SGCZ: variants seen among roughly 807,000 people sequenced by gnomAD.
SGCZ encodes sarcoglycan zeta.
Under a neutral mutation model 41.3 loss-of-function variants are expected in SGCZ, and 40 were observed. The ratio of observed to expected loss-of-function variants is 0.97; its 90% CI spans 0.75 to 1.26. The LOEUF (loss-of-function observed/expected upper bound fraction) is 1.26, where lower values mean the gene tolerates loss of function less well. Ranked by LOEUF, SGCZ falls within the 50% of genes most tolerant of loss-of-function variation. SGCZ has a pLI of 0.00. For missense variants in SGCZ, 552 were observed against 369.8 expected (o/e 1.49, Z -4.04); for synonymous variants, 206 against 137.5 (o/e 1.50, Z -3.49).
intron 1 of SGCZ, among the ~76,000 whole-genome samples, chr8:15,194,147 G>T (rs565006070): frequency 2.0e-5 from 3 of 150,924 alleles, no homozygotes; most frequent in South Asian, 2.1e-4. Flanking sequence ...TATCCAATGG[G>T]CTACTCACCT....
chr8:14,114,433 C>CA (rs990883002), intron 5 of SGCZ, among the ~76,000 whole-genome samples: 1 of 151,518 alleles, frequency 6.6e-6, no homozygotes, highest in Non-Finnish European at 1.5e-5. Context: ...GGGAGGAAAG[C>CA]AAAAAAGAAC....
intron 2 of SGCZ, among the ~76,000 whole-genome samples, chr8:14,454,536 G>C (rs1455306877): frequency 6.6e-6 from 1 of 151,962 alleles, no homozygotes; most frequent in African/African-American, 2.4e-5. Flanking sequence ...ATATTAGGGA[G>C]TTAAAAAAAG....
chr8:15,047,288 C>T (rs1253197169), intron 1 of SGCZ, among the ~76,000 whole-genome samples: 1 of 152,046 alleles, frequency 6.6e-6, no homozygotes, highest in Non-Finnish European at 1.5e-5. Flanking sequence ...TCATGTAATT[C>T]ACACTTCTAT....
At chr8:15,191,052 A>T (rs1453320919) in intron 1 of SGCZ, among the ~76,000 whole-genome samples, 1 of 152,072 alleles carries the variant, frequency 6.6e-6, no homozygotes, top group African/African-American at 2.4e-5. Context: ...AGTGTCAAAA[A>T]ATAAAAACTC....
At chr8:15,012,264 A>T (rs1247262856) in intron 1 of SGCZ, among the ~76,000 whole-genome samples, 2 of 151,752 alleles carry the variant, frequency 1.3e-5, no homozygotes, top group African/African-American at 4.8e-5. Flanking sequence ...AGAATTTGAG[A>T]TCAGACTGGG....
intron 1 of SGCZ, among the ~76,000 whole-genome samples, chr8:15,119,643 A>G (rs2116947520): frequency 6.6e-6 from 1 of 152,054 alleles, no homozygotes; most frequent in East Asian, 1.9e-4. Context: ...TCCCACCCCA[A>G]CTAGCTCTGT....
At chr8:15,031,768 G>A (rs1307392813) in intron 1 of SGCZ, among the ~76,000 whole-genome samples, 1 of 152,098 alleles carries the variant, frequency 6.6e-6, no homozygotes, top group Non-Finnish European at 1.5e-5. Flanking sequence ...ATATTTAAAT[G>A]CTAGTCAAAT....
rs73529283 is a variant in SGCZ, at chr8:14,731,780, T to C, written c.40-176854A>G. Among the ~76,000 whole-genome samples the C allele has an allele frequency of 3.7e-3, 567 of 152,252 alleles. 6 individuals carry two copies. The highest frequency in any genetic ancestry group is 0.013 in the African/African-American group (536 of 41,540). On this transcript the variant is annotated intron_variant, in intron 1 of 7. Coordinates refer to ENST00000382080, the MANE Select transcript of SGCZ (RefSeq NM_139167.4). ...ATTAAATTCTACTTCCCACCAAATC[T>C]CTAAGACCATTTCTTTTTCTAAAAT...
intron 1 of SGCZ, among the ~76,000 whole-genome samples, chr8:14,852,226 A>G (rs1284128136): frequency 1.3e-5 from 2 of 152,196 alleles, no homozygotes; most frequent in Non-Finnish European, 2.9e-5. Flanking sequence ...AATTTCTGTA[A>G]ATATTTGGAG....
chr8:14,868,194 G>T (rs1275473195), intron 1 of SGCZ, among the ~76,000 whole-genome samples: 1 of 152,114 alleles, frequency 6.6e-6, no homozygotes, highest in Non-Finnish European at 1.5e-5. Context: ...TGAAAGGTCA[G>T]TCACGAGGAT....
intron 1 of SGCZ, among the ~76,000 whole-genome samples, chr8:14,926,074 T>C (rs926221355): frequency 6.6e-6 from 1 of 152,110 alleles, no homozygotes; most frequent in Non-Finnish European, 1.5e-5. Context: ...AAAAGATAAA[T>C]CAGGATTAAT....
chr8:14,639,057 C>CT (rs1298170507), intron 1 of SGCZ, among the ~76,000 whole-genome samples: 1 of 84,124 alleles, frequency 1.2e-5, no homozygotes, highest in Admixed American at 1.2e-4. Context: ...TTTTTTTTGT[C>CT]TTTTTTTGAG....
intron 2 of SGCZ, among the ~76,000 whole-genome samples, chr8:14,418,943 G>A (rs752677150): frequency 1.3e-5 from 2 of 151,846 alleles, no homozygotes; most frequent in Non-Finnish European, 2.9e-5. Flanking sequence ...TGTAGGTTTC[G>A]AATAGTCACC....
At chr8:14,763,867 G>C (rs1298789706) in intron 1 of SGCZ, among the ~76,000 whole-genome samples, 1 of 152,186 alleles carries the variant, frequency 6.6e-6, no homozygotes, top group Non-Finnish European at 1.5e-5. Context: ...GGAACTATGA[G>C]TTTCTCTATG....
chr8:14,172,637 G>T (rs1368899659), intron 4 of SGCZ, among the ~76,000 whole-genome samples: 3 of 152,124 alleles, frequency 2.0e-5, no homozygotes, highest in Non-Finnish European at 2.9e-5. Flanking sequence ...CTGAGGCAAA[G>T]AAATACAACG....
chr8:14,340,993 T>C (rs1478442438), intron 2 of SGCZ, among the ~76,000 whole-genome samples: 1 of 152,152 alleles, frequency 6.6e-6, no homozygotes, highest in South Asian at 2.1e-4. Flanking sequence ...TCTATTTCTC[T>C]GAACTGCTCG....
At chr8:14,794,854 C>T (rs1232909304) in intron 1 of SGCZ, among the ~76,000 whole-genome samples, 2 of 152,174 alleles carry the variant, frequency 1.3e-5, no homozygotes, top group South Asian at 2.1e-4. Context: ...AGGAACACTA[C>T]AGCATCTCTA....
Position 14,575,598 on chromosome 8 carries a change from A to AAC in SGCZ, c.40-20674_40-20673dup, listed in dbSNP as rs1321468869. On this transcript the variant is annotated intron_variant, in intron 1 of 7. Transcript: ENST00000382080. ...ATGTGGTTTATTTAAAGAGTGGAAC[A>AAC]ACACAGAGCAGTTAAAATGAATTGA... Among the ~76,000 whole-genome samples the AAC allele has an allele frequency of 7.2e-5, 11 of 152,252 alleles. No homozygotes were observed. The East Asian group carries it at 2.1e-3, about 29-fold the overall frequency.
chr8:15,022,532 C>T (rs1270886297), intron 1 of SGCZ, among the ~76,000 whole-genome samples: 5 of 151,888 alleles, frequency 3.3e-5, no homozygotes, highest in East Asian at 1.9e-4. Context: ...TTAGCAGAGA[C>T]GGGGTTTCAC....
Sources: allele counts gnomAD v4.1 joint callset (sites outside exome capture counted in the v4.1 genomes callset), GRCh38; gene constraint gnomAD v4.1.1; transcripts MANE v1.5; gene names NCBI Gene and HGNC (gene_info 2026-07-23, HGNC 2026-07-21).